Variants in CFAP46 observed in about 807,000 individuals in gnomAD.
CFAP46 encodes the protein cilia and flagella associated protein 46.
A neutral mutation model predicts 325.7 loss-of-function variants in CFAP46; 245 were observed. That is an observed-to-expected ratio of 0.75 (90% CI 0.68 to 0.84). The LOEUF (loss-of-function observed/expected upper bound fraction) is 0.84. Ranked by LOEUF, CFAP46 falls within the 40% of genes least tolerant of loss-of-function variation. CFAP46 has a pLI of 0.00. For missense variants in CFAP46, 3,346 were observed against 3,543.0 expected, an observed-to-expected ratio of 0.94 and a Z score of 1.41; for synonymous variants, 1,523 against 1,495.9, an observed-to-expected ratio of 1.02 and a Z score of -0.42.
Position 132,942,098 on chromosome 10 carries a change from G to C in CFAP46, c.56C>G (p.Ala19Gly). 4 of 1,551,648 alleles carry C rather than the reference G, an allele frequency of 2.6e-6. No individual in the cohort carries two copies. The highest frequency in any genetic ancestry group is 3.5e-6 in the Non-Finnish European group (4 of 1,146,962). Reference protein sequence around the residue: ...LARAESQQDAASLKKAYELIK... With the variant: ...LARAESQQDAGSLKKAYELIK... ...CAACTCGTAGGCCTTCTTCAAGGAC[G>C]CAGCATCTGTCCCAAACGGGTGGTT... The change falls in exon 2 of 58, where the codon GCG becomes GGG. Residue 19 changes from alanine (A) to glycine (G), a missense_variant. By Grantham distance (60) the Ala-to-Gly change is moderately conservative. Transcript: ENST00000368586.
At chr10:132,831,062 A>G (rs1198571336) in intron 50 of CFAP46, among the ~76,000 whole-genome samples, 2 of 152,162 alleles carry the variant, frequency 1.3e-5, no homozygotes, top group African/African-American at 2.4e-5. Context: ...AAGCATATTT[A>G]GTTTCCAAGT....
rs775789474 is a variant in CFAP46, at chr10:132,847,137, GGCC to G, written c.6088-29_6088-27del. 1.1e-5 allele frequency: 17 copies of G among 1,608,154 alleles called. No homozygotes were observed. In the South Asian group the frequency reaches 1.8e-4, roughly 17 times the overall value. ...CTGTGGGGCACAAGGCTCAGGCTCAGGCCAGGCTCCGGGCAGAGGCCACACGAG... is the reference window on the plus strand; with the variant it reads ...CTGTGGGGCACAAGGCTCAGGCTCAGAGGCTCCGGGCAGAGGCCACACGAG... On this transcript the variant is annotated intron_variant, in intron 42 of 57. Transcript: ENST00000368586. This position sits in a 1 kb window ranked among gnomAD's most constrained non-coding sequence, Gnocchi z 5.2.
intron 50 of CFAP46, among the ~76,000 whole-genome samples, chr10:132,821,500 T>C (rs1847826488): frequency 6.9e-6 from 1 of 145,868 alleles, no homozygotes; most frequent in Admixed American, 6.7e-5. Context: ...TGCTGATGTG[T>C]GCTGTGTGCG....
chr10:132,922,459 C>T (rs1849739105), intron 12 of CFAP46, 21 bp downstream of exon 12: 2 of 1,521,630 alleles, frequency 1.3e-6, no homozygotes, highest in African/African-American at 2.8e-5. Flanking sequence ...CCCAGCCTCC[C>T]TCACTTCCCC....
intron 32 of CFAP46, among the ~76,000 whole-genome samples, chr10:132,870,410 A>T (rs1048526879): frequency 6.6e-6 from 1 of 152,218 alleles, no homozygotes; most frequent in Non-Finnish European, 1.5e-5. Flanking sequence ...CAGTGAGGAA[A>T]GCGCGTCAGA....
At position 132,926,588 on chromosome 10, in the gene CFAP46, A is replaced by C. The variant is rs1238588431; in HGVS notation, c.1045T>G (p.Tyr349Asp). Residue 349 changes from tyrosine (Y) to aspartate (D), a missense_variant, in exon 10 of 58, where the codon TAC becomes GAC. By Grantham distance (160) the Tyr-to-Asp change is radical (BLOSUM62 -3). Transcript: ENST00000368586. ...ALRLESKMKV[Y>D]NRAAVEAQLD... is the part of the protein sequence containing the mutation. ...CTGACCTCAACAGCCGCTCGGTTGT[A>C]CACTTTCATCTTACTTTCAAGTCTT... is the stretch of plus-strand genomic sequence containing the variant. 6.5e-6 allele frequency: 10 copies of C among 1,535,972 alleles called. No homozygotes were observed. Among genetic ancestry groups the C allele is most frequent in the Non-Finnish European group, 8.7e-6 (10 of 1,146,844 alleles).
chr10:132,933,263 A>G (rs1218176641), intron 8 of CFAP46, among the ~76,000 whole-genome samples: 1 of 152,112 alleles, frequency 6.6e-6, no homozygotes, highest in Non-Finnish European at 1.5e-5. Flanking sequence ...GCCTGGCATC[A>G]CAACACTGGC....
At chr10:132,854,429 C>A (rs977939741) in intron 39 of CFAP46, among the ~76,000 whole-genome samples, 2 of 152,172 alleles carry the variant, frequency 1.3e-5, no homozygotes, top group South Asian at 2.1e-4. Flanking sequence ...CTCTTCCCCC[C>A]CAGGTTCACG....
In CFAP46 at chr10:132,851,211, T is replaced by G. The variant is rs747670574; in HGVS notation, c.5669A>C (p.Glu1890Ala). The change falls in exon 40 of 58, where the codon GAG (glutamate) becomes GCG (alanine). Residue 1890 changes from glutamate (E) to alanine (A), a missense_variant. Physicochemically the swap from Glu to Ala is moderately radical, Grantham distance 107. Transcript: ENST00000368586. ...CTCACTCTGCTGCCCGTGGGCCTCCTCCCAGATGAACTGGAGCATGTCCAG... is the reference window on the plus strand; with the variant it reads ...CTCACTCTGCTGCCCGTGGGCCTCCGCCCAGATGAACTGGAGCATGTCCAG... ...MALDMLQFIW[E>A]EAHGQQSEQG... The G allele has an allele frequency of 6.2e-7, 1 of 1,614,066 alleles. No individual in the cohort carries two copies. Among genetic ancestry groups the G allele is most frequent in the East Asian group, 2.2e-5 (1 of 44,886 alleles).
rs149522028 is a variant in CFAP46, at chr10:132,912,517, C to G, written c.2499+138G>C. The G allele has an allele frequency of 1.5e-3, 1,210 of 831,984 alleles. 35 individuals carry two copies. The African/African-American group carries it at 0.019, about 13-fold the overall frequency. 51.5% of individuals were successfully genotyped at this position (831,984 alleles called of 1,614,324 possible). On this transcript the variant is annotated intron_variant, in intron 19 of 57. Coordinates refer to ENST00000368586, the MANE Select transcript of CFAP46 (RefSeq NM_001200049.3). ...CTTTCACCTCTCTCTCCTCTCCTCT[C>G]TCTCTCTTCACCTCTCTCCTCTCCT...
At position 132,835,302 on chromosome 10, in the gene CFAP46, A is replaced by T. The variant is rs778565094; in HGVS notation, c.6744+2T>A. On this transcript the variant is annotated splice_donor_variant, in intron 47 of 57. Coordinates refer to ENST00000368586, the MANE Select transcript of CFAP46 (RefSeq NM_001200049.3). LOFTEE classifies it high-confidence loss of function. Reference sequence around the variant, plus strand: ...GGTGGCTTGGAGCCTGGAGGGCCTCACCGAGCCTATGTTCAGGGCCATGTC... The same window carrying T: ...GGTGGCTTGGAGCCTGGAGGGCCTCTCCGAGCCTATGTTCAGGGCCATGTC... The T allele has an allele frequency of 1.2e-6, 2 of 1,612,218 alleles. No homozygotes were observed. The highest frequency in any genetic ancestry group is 8.5e-7 in the Non-Finnish European group (1 of 1,179,506).
Position 132,859,352 on chromosome 10 carries a change from C to T in CFAP46, c.5199-105G>A, listed in dbSNP as rs774460266. ...TCCCCGGTGTTCATCCAGGGATGCT[C>T]GGAGAAACGCTTTCGGAGCATTTCT... On this transcript the variant is annotated intron_variant, in intron 37 of 57. Coordinates refer to ENST00000368586, the MANE Select transcript of CFAP46 (RefSeq NM_001200049.3). 80 of 887,892 alleles carry T rather than the reference C, an allele frequency of 9.0e-5. No homozygotes were observed. The Middle Eastern group carries it at 1.9e-3, about 21-fold the overall frequency. 55.0% of individuals were successfully genotyped at this position (887,892 alleles called of 1,614,324 possible).
rs554774576 is a variant in CFAP46 at position 132,817,199 on chromosome 10, G to A, written c.7118-2285C>T. ...GGCTATTTCATACCTCTGAGGAGGC[G>A]AACTTTCGATTCTCATGATGTCCAT... On this transcript the variant is annotated intron_variant, in intron 50 of 57. Transcript: ENST00000368586. The surrounding 1 kb of genome is among the most constrained non-coding windows in gnomAD (Gnocchi z 4.4). 3.9e-5 allele frequency among the ~76,000 whole-genome samples: 6 copies of A among 152,258 alleles called. No homozygotes were observed. The highest frequency in any genetic ancestry group is 3.9e-4 in the East Asian group (2 of 5,186).
intron 25 of CFAP46, among the ~76,000 whole-genome samples, chr10:132,888,489 G>A (rs190499947): frequency 5.5e-4 from 11 of 19,832 alleles, no homozygotes; most frequent in South Asian, 2.5e-3. Context: ...CACCCCTGCC[G>A]CCTGTACCCC....
At chr10:132,861,009 T>G in intron 35 of CFAP46, 27 bp from the exon 36 acceptor site, 2 of 1,548,496 alleles carry the variant, frequency 1.3e-6, no homozygotes, top group African/African-American at 1.4e-5. Context: ...CAGACATGCT[T>G]GGGTTCCTCT....
chr10:132,812,980 C>A (rs1306774145), intron 54 of CFAP46, 83 bp from the exon 55 acceptor site: 10 of 1,037,698 alleles, frequency 9.6e-6, no homozygotes, highest in Non-Finnish European at 1.5e-5. Flanking sequence ...CAGGCCACAT[C>A]CTGCGTGGTC....
At chr10:132,921,596 G>A (rs1399161885) in intron 13 of CFAP46, among the ~76,000 whole-genome samples, 3 of 152,174 alleles carry the variant, frequency 2.0e-5, no homozygotes, top group Non-Finnish European at 2.9e-5. Context: ...TGAAGTCCTC[G>A]CCCCCAGGAC....
At chr10:132,916,521 G>A in intron 17 of CFAP46, 28 bp downstream of exon 17, 1 of 1,542,698 alleles carries the variant, frequency 6.5e-7, no homozygotes, top group Non-Finnish European at 8.7e-7. Flanking sequence ...CCCGGGCGGT[G>A]CTCAAGGCCA....
In CFAP46 at chr10:132,846,044, C is replaced by T. The variant is rs542290143; in HGVS notation, c.6438+13G>A. The T allele has an allele frequency of 3.1e-6, 5 of 1,597,168 alleles. No homozygotes were observed. The highest frequency in any genetic ancestry group is 3.4e-5 in the Admixed American group (2 of 59,562). On this transcript the variant is annotated intron_variant, in intron 44 of 57. Transcript: ENST00000368586. ...AGCTGGGGGCAGGTTCAGCGGCATC[C>T]GTGCCCGCTTACCTTGGACACGGCG... is the stretch of plus-strand genomic sequence containing the variant.
Sources: allele counts gnomAD v4.1 joint callset (sites outside exome capture counted in the v4.1 genomes callset), GRCh38; gene constraint gnomAD v4.1.1; non-coding constraint Gnocchi (gnomAD v3.1); transcripts MANE v1.5; gene names NCBI Gene and HGNC (gene_info 2026-07-23, HGNC 2026-07-21).